The following BCAS3 variants were observed in gnomAD, a reference collection of about 807,000 sequenced individuals.
BCAS3 encodes BCAS4/BCAS3 fusion.
Under a neutral mutation model 116.1 loss-of-function variants are expected in BCAS3, and 53 were observed. The observed-to-expected ratio is 0.46, with a 90% CI of 0.37 to 0.57. The LOEUF (loss-of-function observed/expected upper bound fraction) is 0.57. BCAS3 is among the 20% of genes least tolerant of loss of function. The pLI is 0.00. For synonymous variants in BCAS3, 391 were observed against 408.2 expected, an observed-to-expected ratio of 0.96 and a Z score of 0.51; for missense variants, 917 against 1,165.4, an observed-to-expected ratio of 0.79 and a Z score of 3.10.
chr17:60,709,118 C>T, intron 4 of BCAS3, 101 bp from the exon 5 acceptor site: 2 of 602,646 alleles, frequency 3.3e-6, no homozygotes, highest in South Asian at 4.0e-5. Flanking sequence ...GGTTGCTAGA[C>T]AGGTGTAAAG....
At chr17:61,372,881 C>A (rs1352796626) in intron 23 of BCAS3, among the ~76,000 whole-genome samples, 1 of 152,088 alleles carries the variant, frequency 6.6e-6, no homozygotes, top group East Asian at 1.9e-4. Flanking sequence ...CTTATTCCAA[C>A]TGTTTTGTGT....
rs185484217 is a variant in BCAS3 at position 61,054,337 on chromosome 17, G to A, written c.2029+13445G>A. Among the ~76,000 whole-genome samples, 272 of 152,234 alleles carry A rather than the reference G, an allele frequency of 1.8e-3. 1 individual carries two copies. The highest frequency in any genetic ancestry group is 5.4e-3 in the African/African-American group (223 of 41,524). The stretch of plus-strand genomic sequence containing the variant: ...TACCAGTTGGGGAAAAAAAGTGTGC[G>A]TGTCGTACCACCATCCTGTCATAAT... On this transcript the variant is annotated intron_variant, in intron 19 of 23. Transcript: ENST00000407086.
intron 14 of BCAS3, among the ~76,000 whole-genome samples, chr17:60,985,114 T>G (rs910741469): frequency 6.6e-6 from 1 of 151,596 alleles, no homozygotes; most frequent in African/African-American, 2.4e-5. Flanking sequence ...ATTTATCCAT[T>G]TGAGTTATAA....
rs1193992773 is a variant in BCAS3, at chr17:61,354,314, T to C, written c.2426-14013T>C. ...GAGAATTATGAGAAAAATATGTACT[T>C]ATTCTGTGAAAATATGTGAGATTTT... On this transcript the variant is annotated intron_variant, in intron 22 of 23. Coordinates refer to ENST00000407086, the MANE Select transcript of BCAS3 (RefSeq NM_017679.5). This position sits in a 1 kb window ranked among gnomAD's most constrained non-coding sequence, Gnocchi z 4.5. The C allele has an allele frequency of 6.6e-6, 1 of 152,214 alleles. No homozygotes were observed. Among genetic ancestry groups the C allele is most frequent in the Non-Finnish European group, 1.5e-5 (1 of 68,048 alleles). The allele number at this position is 152,214 out of a possible 1,614,324, so 9.4% of individuals were successfully genotyped here.
At chr17:61,322,832 G>GAGAGAGAGAGAGAC (rs2055378716) in intron 22 of BCAS3, among the ~76,000 whole-genome samples, 2 of 119,846 alleles carry the variant, frequency 1.7e-5, no homozygotes, top group Admixed American at 8.9e-5. Flanking sequence ...GAGAGAGACA[G>GAGAGAGAGAGAGAC]AGAGAGAGAG....
chr17:61,107,302 G>T (rs2074732134), intron 22 of BCAS3, among the ~76,000 whole-genome samples: 1 of 151,910 alleles, frequency 6.6e-6, no homozygotes, highest in Admixed American at 6.6e-5. Flanking sequence ...GGCCAGGCTG[G>T]TCTTGAACTC....
rs1056280128 is a variant in BCAS3 at position 60,960,919 on chromosome 17, A to G, written c.1221+13567A>G. Among the ~76,000 whole-genome samples the G allele has an allele frequency of 6.6e-6, 1 of 151,866 alleles. No homozygotes were observed. The highest frequency in any genetic ancestry group is 6.6e-5 in the Admixed American group (1 of 15,252). On this transcript the variant is annotated intron_variant, in intron 14 of 23. Coordinates refer to ENST00000407086, the MANE Select transcript of BCAS3 (RefSeq NM_017679.5). This position sits in a 1 kb window ranked among gnomAD's most constrained non-coding sequence, Gnocchi z 4.1. ...ATGCCATCAGACAAGAGGACACTCC[A>G]CAGATCTTTCTTGCATTTGTCTCTC...
chr17:61,132,970 C>G lies in BCAS3; in HGVS notation c.2425+48406C>G, dbSNP rs1342108244. ...GGATTCCTTTTCTTGGAGAAAGTCT[C>G]ACTGTACTGAAAGAATCTTGTCAGA... is the stretch of plus-strand genomic sequence containing the variant. On this transcript the variant is annotated intron_variant, in intron 22 of 23. Coordinates refer to ENST00000407086, the MANE Select transcript of BCAS3 (RefSeq NM_017679.5). This position sits in a 1 kb window ranked among gnomAD's most constrained non-coding sequence, Gnocchi z 5.1. Among the ~76,000 whole-genome samples the G allele has an allele frequency of 6.6e-6, 1 of 152,166 alleles. No homozygotes were observed. Among genetic ancestry groups the G allele is most frequent in the Non-Finnish European group, 1.5e-5 (1 of 68,042 alleles).
intron 22 of BCAS3, among the ~76,000 whole-genome samples, chr17:61,299,921 G>A (rs1461171695): frequency 6.6e-6 from 1 of 152,148 alleles, no homozygotes; most frequent in Non-Finnish European, 1.5e-5. Context: ...GTATGCACGT[G>A]CATGAAAATA....
chr17:60,810,266 G>A, intron 7 of BCAS3: 1 of 445,868 alleles, frequency 2.2e-6, no homozygotes, highest in Non-Finnish European at 4.4e-6. Context: ...AGTGTGGCCA[G>A]TGTCTGTGCA....
intron 22 of BCAS3, among the ~76,000 whole-genome samples, chr17:61,137,328 T>G (rs1193026064): frequency 6.6e-6 from 1 of 152,238 alleles, no homozygotes; most frequent in African/African-American, 2.4e-5. Context: ...TCATTCCATC[T>G]GACCATGTTG....
intron 6 of BCAS3, among the ~76,000 whole-genome samples, chr17:60,751,300 T>C (rs2042432862): frequency 6.6e-6 from 1 of 152,222 alleles, no homozygotes; most frequent in Non-Finnish European, 1.5e-5. Context: ...CAGAAAGCTA[T>C]GACTAATTAA....
chr17:61,029,601 G>A lies in BCAS3; in HGVS notation c.1638-5065G>A, dbSNP rs1038697552. Among the ~76,000 whole-genome samples the A allele has an allele frequency of 1.3e-5, 2 of 151,864 alleles. No individual in the cohort carries two copies. The highest frequency in any genetic ancestry group is 2.9e-5 in the Non-Finnish European group (2 of 67,872). ...TAGGAATGTATCAAGCTCTGAATTT[G>A]CATGTAGTGTTGTATTTAAGCTACT... On this transcript the variant is annotated intron_variant, in intron 16 of 23. Coordinates refer to ENST00000407086, the MANE Select transcript of BCAS3 (RefSeq NM_017679.5). This position sits in a 1 kb window ranked among gnomAD's most constrained non-coding sequence, Gnocchi z 5.2.
rs759009633 is a variant in BCAS3 at position 60,679,516 on chromosome 17, T to C, written c.59T>C (p.Val20Ala). 1.5e-5 allele frequency: 24 copies of C among 1,613,710 alleles called. No homozygotes were observed. The highest frequency in any genetic ancestry group is 1.9e-5 in the Non-Finnish European group (22 of 1,179,774). The change falls in exon 2 of 24, where the codon GTT becomes GCT. Residue 20 changes from valine (V) to alanine (A), a missense_variant. Transcript: ENST00000407086. ...AGACCCAGTCGTTGTACTGGTGGAGTTGTGGTTCGCCCCCAGGCTGTCACG... is the reference window on the plus strand; with the variant it reads ...AGACCCAGTCGTTGTACTGGTGGAGCTGTGGTTCGCCCCCAGGCTGTCACG... ...PRRPSRCTGG[V>A]VVRPQAVTEQ... is the part of the protein sequence containing the mutation.
intron 22 of BCAS3, among the ~76,000 whole-genome samples, chr17:61,150,696 G>T (rs2077495256): frequency 6.6e-6 from 1 of 152,166 alleles, no homozygotes. Flanking sequence ...CTCATAATTA[G>T]ATTTGGTTGC....
rs149835768 is a variant in BCAS3 at position 61,105,559 on chromosome 17, G to A, written c.2425+20995G>A. Among the ~76,000 whole-genome samples, 347 of 152,246 alleles carry A rather than the reference G, an allele frequency of 2.3e-3. 4 individuals are homozygous for A. The Middle Eastern group carries it at 0.031, about 13-fold the overall frequency. ...CCTGCCTCAGCCCCATGAGTAGCTGGGGTTACAGGCATGTGCCACCACGCC... is the reference window on the plus strand; with the variant it reads ...CCTGCCTCAGCCCCATGAGTAGCTGAGGTTACAGGCATGTGCCACCACGCC... On this transcript the variant is annotated intron_variant, in intron 22 of 23. Transcript: ENST00000407086. This position sits in a 1 kb window ranked among gnomAD's most constrained non-coding sequence, Gnocchi z 4.3.
At chr17:61,371,012 A>G (rs532511970) in intron 23 of BCAS3, among the ~76,000 whole-genome samples, 1 of 152,206 alleles carries the variant, frequency 6.6e-6, no homozygotes, top group Non-Finnish European at 1.5e-5. Context: ...GGTATCCCCA[A>G]GTGTTTGCCT....
At chr17:60,754,018 C>G (rs1485875497) in intron 6 of BCAS3, among the ~76,000 whole-genome samples, 1 of 151,158 alleles carries the variant, frequency 6.6e-6, no homozygotes, top group African/African-American at 2.4e-5. Flanking sequence ...TATCAGTGAT[C>G]AAATGATGTG....
At chr17:60,773,119 A>G (rs1004401053) in intron 6 of BCAS3, among the ~76,000 whole-genome samples, 2 of 152,062 alleles carry the variant, frequency 1.3e-5, no homozygotes, top group Admixed American at 6.6e-5. Flanking sequence ...CTTTGCCACC[A>G]TTTGGTGGTG....
Sources: allele counts gnomAD v4.1 joint callset (sites outside exome capture counted in the v4.1 genomes callset), GRCh38; gene constraint gnomAD v4.1.1; non-coding constraint Gnocchi (gnomAD v3.1); transcripts MANE v1.5; gene names NCBI Gene and HGNC (gene_info 2026-07-23, HGNC 2026-07-21).